Variants in ZBTB7B observed in about 807,000 individuals in gnomAD.
ZBTB7B encodes zinc finger and BTB domain containing 7B.
A neutral mutation model predicts 31.0 loss-of-function variants in ZBTB7B; 8 were observed. The observed-to-expected ratio is 0.26, with a 90% CI of 0.15 to 0.47. ZBTB7B has a LOEUF of 0.47. Among genes scored for constraint, ZBTB7B ranks in the 20% least tolerant of loss-of-function variants. The pLI is 0.99. For synonymous variants in ZBTB7B, 261 were observed against 307.3 expected, an observed-to-expected ratio of 0.85 and a Z score of 1.58; for missense variants, 494 against 742.4, an observed-to-expected ratio of 0.67 and a Z score of 3.89.
chr1:155,011,731 G>T (rs1659001551), intron 1 of ZBTB7B, among the ~76,000 whole-genome samples: 1 of 152,224 alleles, frequency 6.6e-6, no homozygotes, highest in Non-Finnish European at 1.5e-5. Context: ...GTGGGGATGG[G>T]CCGCCTTCAT....
Position 155,018,444 on chromosome 1 carries a change from C to T in ZBTB7B, c.*1759C>T, listed in dbSNP as rs953898991. 9.7e-6 allele frequency: 12 copies of T among 1,237,344 alleles called. No individual in the cohort carries two copies. The highest frequency in any genetic ancestry group is 4.5e-5 in the African/African-American group (3 of 66,432). 76.6% of individuals were successfully genotyped at this position (1,237,344 alleles called of 1,614,324 possible). ...CCTTAGGGGGAGAGGCACTCCCCCCCTCCTATTCCCTTCCCCCCACCCCAA... is the reference window on the plus strand; with the variant it reads ...CCTTAGGGGGAGAGGCACTCCCCCCTTCCTATTCCCTTCCCCCCACCCCAA... On this transcript the variant is annotated 3_prime_UTR_variant, in exon 3 of 3. Coordinates refer to ENST00000535420, the MANE Select transcript of ZBTB7B (RefSeq NM_001256455.2).
chr1:155,014,586 A>C, intron 1 of ZBTB7B, 69 bp from the exon 2 acceptor site: 1 of 1,445,082 alleles, frequency 6.9e-7, no homozygotes, highest in Non-Finnish European at 9.4e-7. Flanking sequence ...TATTGGCTAA[A>C]GTTGGTCCTC....
At chr1:155,014,495 C>G (rs955796446) in intron 1 of ZBTB7B, 160 bp from the exon 2 acceptor site, 10 of 661,244 alleles carry the variant, frequency 1.5e-5, no homozygotes, top group Non-Finnish European at 2.6e-5. Flanking sequence ...AGATGATGAT[C>G]ATACTTCAGA....
intron 1 of ZBTB7B, among the ~76,000 whole-genome samples, chr1:155,005,272 G>A (rs1366271991): frequency 2.0e-5 from 3 of 152,144 alleles, no homozygotes; most frequent in African/African-American, 7.2e-5. Context: ...AGAAGCAAAT[G>A]AAAGCAGGTG....
In ZBTB7B at chr1:155,016,736, C is replaced by G. The variant is rs533251695; in HGVS notation, c.*51C>G. 1 of 1,105,538 alleles carries G rather than the reference C, an allele frequency of 9.0e-7. No homozygotes were observed. Among genetic ancestry groups the G allele is most frequent in the East Asian group, 2.6e-5 (1 of 39,074 alleles). 68.5% of individuals were successfully genotyped at this position (1,105,538 alleles called of 1,614,324 possible). A position where few individuals can be genotyped will look rare whatever the true frequency, so the allele number is the denominator to read the frequency against. Reference sequence around the variant, plus strand: ...AGCACAAGGCCGGGGACACCCATGCCAAGCAGTGGGAGCACGCAGGACAGA... The same window carrying G: ...AGCACAAGGCCGGGGACACCCATGCGAAGCAGTGGGAGCACGCAGGACAGA... On this transcript the variant is annotated 3_prime_UTR_variant, in exon 3 of 3. Transcript: ENST00000535420. The surrounding 1 kb of genome is among the most constrained non-coding windows in gnomAD (Gnocchi z 4.3).
At chr1:155,012,323 TC>T (rs1485178032) in intron 1 of ZBTB7B, among the ~76,000 whole-genome samples, 1 of 151,962 alleles carries the variant, frequency 6.6e-6, no homozygotes, top group African/African-American at 2.4e-5. Flanking sequence ...AGTGCCCAGC[TC>T]CCAGCCAATG....
chr1:155,014,025 G>A (rs1239297223), intron 1 of ZBTB7B: 2 of 985,826 alleles, frequency 2.0e-6, no homozygotes, highest in Non-Finnish European at 1.2e-6. Context: ...TGTCCTAACC[G>A]CTTTGGAGAG....
rs1321649622 is a variant in ZBTB7B, at chr1:155,016,733, T to C, written c.*48T>C. 3.6e-6 allele frequency: 4 copies of C among 1,115,294 alleles called. No individual in the cohort carries two copies. The highest frequency in any genetic ancestry group is 5.1e-6 in the Non-Finnish European group (4 of 787,530). 69.1% of individuals were successfully genotyped at this position (1,115,294 alleles called of 1,614,324 possible). ...AGCAGCACAAGGCCGGGGACACCCA[T>C]GCCAAGCAGTGGGAGCACGCAGGAC... is the stretch of plus-strand genomic sequence containing the variant. On this transcript the variant is annotated 3_prime_UTR_variant, in exon 3 of 3. Coordinates refer to ENST00000535420, the MANE Select transcript of ZBTB7B (RefSeq NM_001256455.2). This position sits in a 1 kb window ranked among gnomAD's most constrained non-coding sequence, Gnocchi z 4.3.
chr1:155,007,135 T>A (rs1658605919), intron 1 of ZBTB7B, among the ~76,000 whole-genome samples: 1 of 152,236 alleles, frequency 6.6e-6, no homozygotes, highest in Non-Finnish European at 1.5e-5. Flanking sequence ...CCCCCCACTT[T>A]ATTCTTGCTA....
intron 1 of ZBTB7B, among the ~76,000 whole-genome samples, chr1:155,005,401 G>A (rs1054799862): frequency 1.3e-5 from 2 of 152,204 alleles, no homozygotes; most frequent in Non-Finnish European, 2.9e-5. Context: ...GACAGCCTAG[G>A]ACTGGGCATT....
chr1:155,016,623 G>A lies in ZBTB7B; in HGVS notation c.1558G>A (p.Asp520Asn), dbSNP rs773323938. ...GGTCTCTACCCCAGGGCCCCCTGAT[G>A]ACGATGAGGAGGAAGGGGCACCCAC... Reference protein sequence around the residue: ...PPVSTPGPPDDDEEEGAPTTP... With the variant: ...PPVSTPGPPDNDEEEGAPTTP... Residue 520 changes from aspartate to asparagine, a missense_variant, in exon 3 of 3, where the codon GAC (aspartate) becomes AAC (asparagine). Transcript: ENST00000535420. The surrounding 1 kb of genome is among the most constrained non-coding windows in gnomAD (Gnocchi z 4.3). 13 of 1,609,872 alleles carry A rather than the reference G, an allele frequency of 8.1e-6. No homozygotes were observed. The highest frequency in any genetic ancestry group is 1.1e-5 in the South Asian group (1 of 90,500).
intron 1 of ZBTB7B, among the ~76,000 whole-genome samples, chr1:155,007,016 A>C (rs192535485): frequency 7.9e-5 from 12 of 152,246 alleles, no homozygotes; most frequent in African/African-American, 2.9e-4. Flanking sequence ...TGTGGTGCAC[A>C]CTGGGAGTTG....
rs1370277244 is a variant in ZBTB7B, at chr1:155,017,347, TGGGG to T, written c.*664_*667del. On this transcript the variant is annotated 3_prime_UTR_variant, in exon 3 of 3. Transcript: ENST00000535420. ...GTGGCCTGATTGGCTCGCCTGCCCCTGGGGGCAGTAGAGGGGCCCCGCCCAGCTA... is the reference window on the plus strand; with the variant it reads ...GTGGCCTGATTGGCTCGCCTGCCCCTGCAGTAGAGGGGCCCCGCCCAGCTA... The T allele has an allele frequency of 6.6e-6, 1 of 151,160 alleles. No individual in the cohort carries two copies. The highest frequency in any genetic ancestry group is 2.4e-5 in the African/African-American group (1 of 41,092). The allele number at this position is 151,160 out of a possible 1,614,324, so 9.4% of individuals were successfully genotyped here. A position where few individuals can be genotyped will look rare whatever the true frequency, so the allele number is the denominator to read the frequency against.
chr1:155,014,910 G>A lies in ZBTB7B; in HGVS notation c.250G>A (p.Ala84Thr), dbSNP rs757274747. Reference protein sequence around the residue: ...AGGSGTATGGAGAGVCELDFV... With the variant: ...AGGSGTATGGTGAGVCELDFV... ...GGGTAGCGGGACGGCCACTGGGGGA[G>A]CAGGGGCCGGTGTGTGTGAGCTGGA... The change falls in exon 2 of 3, where the codon GCA becomes ACA. Residue 84 changes from alanine to threonine, a missense_variant. Physicochemically the swap from Ala to Thr is moderately conservative, Grantham distance 58. Transcript: ENST00000535420. 5 of 1,613,940 alleles carry A rather than the reference G, an allele frequency of 3.1e-6. No individual in the cohort carries two copies. The highest frequency in any genetic ancestry group is 3.4e-6 in the Non-Finnish European group (4 of 1,179,982).
Position 155,016,453 on chromosome 1 carries a change from G to T in ZBTB7B, c.1388G>T (p.Arg463Leu). 1.2e-6 allele frequency: 2 copies of T among 1,614,010 alleles called. No homozygotes were observed. The highest frequency in any genetic ancestry group is 8.5e-7 in the Non-Finnish European group (1 of 1,179,972). Reference protein sequence around the residue: ...NCLEVRTRRRRKDDAPPHYPP... With the variant: ...NCLEVRTRRRLKDDAPPHYPP... ...CTGGAGGTGCGCACCCGACGGCGCC[G>T]CAAGGACGATGCACCACCCCACTAC... is the stretch of plus-strand genomic sequence containing the variant. The change falls in exon 3 of 3, where the codon CGC becomes CTC. Residue 463 changes from arginine to leucine, a missense_variant. Arg to Leu is a moderately radical substitution (Grantham distance 102). Transcript: ENST00000535420. The surrounding 1 kb of genome is among the most constrained non-coding windows in gnomAD (Gnocchi z 4.3).
Position 155,015,825 on chromosome 1 carries a change from AG to A in ZBTB7B, c.1154+17del. On this transcript the variant is annotated intron_variant, in intron 2 of 2. Transcript: ENST00000535420. ...TGTTCGATTCACCAGGTGAGCAGCA[AG>A]GGGGGAAGGGCCCGGCAGGGGCCAT... is the stretch of plus-strand genomic sequence containing the variant. The A allele has an allele frequency of 1.2e-6, 2 of 1,604,612 alleles. No homozygotes were observed. Among genetic ancestry groups the A allele is most frequent in the Non-Finnish European group, 1.7e-6 (2 of 1,174,292 alleles).
rs1286298208 is a variant in ZBTB7B at position 155,004,074 on chromosome 1, G to C, written c.-7+1131G>C. On this transcript the variant is annotated intron_variant, in intron 1 of 2. Transcript: ENST00000535420. The surrounding 1 kb of genome is among the most constrained non-coding windows in gnomAD (Gnocchi z 4.0). ...GACCTCGGGGCGCCCTGGGGGGCAG[G>C]GGGGCGGGGAGCCTGGGTCCGGAGC... is the stretch of plus-strand genomic sequence containing the variant. Among the ~76,000 whole-genome samples, 3 of 152,188 alleles carry C rather than the reference G, an allele frequency of 2.0e-5. No homozygotes were observed. The East Asian group carries it at 5.8e-4, about 29-fold the overall frequency.
chr1:155,005,850 C>T (rs1315080767), intron 1 of ZBTB7B, among the ~76,000 whole-genome samples: 4 of 152,194 alleles, frequency 2.6e-5, no homozygotes, highest in African/African-American at 9.7e-5. Context: ...CTCGCTGCCC[C>T]CTCCCCCCCA....
intron 1 of ZBTB7B, chr1:155,013,907 TG>T: frequency 2.8e-6 from 1 of 361,158 alleles, no homozygotes; most frequent in Non-Finnish European, 3.8e-6. Context: ...CCTGGAGAAG[TG>T]GGGGATCTAG....
Sources: allele counts gnomAD v4.1 joint callset (sites outside exome capture counted in the v4.1 genomes callset), GRCh38; gene constraint gnomAD v4.1.1; non-coding constraint Gnocchi (gnomAD v3.1); transcripts MANE v1.5; gene names NCBI Gene and HGNC (gene_info 2026-07-23, HGNC 2026-07-21).